The following HYCC1 variants were observed in gnomAD, a reference collection of about 807,000 sequenced individuals.
HYCC1 encodes the protein hyccin PI4KA lipid kinase complex subunit 1.
chr7:23,014,052 G>T, the HYCC1 span: 4 of 470,818 alleles, frequency 8.5e-6, no homozygotes, highest in Admixed American at 2.4e-5. Flanking sequence ...AGCAGAACGG[G>T]TCCCGGTGAG....
At chr7:22,978,751 G>A in the HYCC1 span, among the ~76,000 whole-genome samples, 1 of 152,070 alleles carries the variant, frequency 6.6e-6, no homozygotes, top group African/African-American at 2.4e-5. Context: ...TGGTACATAG[G>A]GGGGCTAAAT....
the HYCC1 span, among the ~76,000 whole-genome samples, chr7:22,903,696 T>C: frequency 4.6e-5 from 7 of 152,230 alleles, no homozygotes; most frequent in Non-Finnish European, 1.0e-4. Context: ...GGAAACACTG[T>C]CTACTCATGT....
the HYCC1 span, among the ~76,000 whole-genome samples, chr7:22,923,584 A>G: frequency 6.6e-6 from 1 of 152,146 alleles, no homozygotes; most frequent in African/African-American, 2.4e-5. Context: ...AAATAGAAAA[A>G]TGAGAGAAAA....
the HYCC1 span, chr7:22,946,003 TGAC>T: frequency 6.2e-7 from 1 of 1,613,666 alleles, no homozygotes; most frequent in African/African-American, 1.3e-5. Flanking sequence ...TGCTTCCTCC[TGAC>T]CGTCTGTGGT....
chr7:23,009,709 A>T, the HYCC1 span, among the ~76,000 whole-genome samples: 1 of 152,138 alleles, frequency 6.6e-6, no homozygotes, highest in Non-Finnish European at 1.5e-5. Context: ...CAAGATAGAA[A>T]ATGTGAGCCT....
chr7:23,002,155 T>A, the HYCC1 span, among the ~76,000 whole-genome samples: 18 of 26,384 alleles, frequency 6.8e-4, 1 homozygote, highest in South Asian at 6.1e-3. Context: ...TATATATATA[T>A]ATATATATAT....
chr7:22,961,362 T>A, the HYCC1 span: 18 of 1,129,890 alleles, frequency 1.6e-5, no homozygotes, highest in Middle Eastern at 2.8e-4. Flanking sequence ...ATTATAATTA[T>A]TTATAACTGA....
chr7:22,924,326 A>G, the HYCC1 span, among the ~76,000 whole-genome samples: 1 of 152,210 alleles, frequency 6.6e-6, no homozygotes, highest in South Asian at 2.1e-4. Context: ...GGAGTGCCGG[A>G]CAGTGGGTGC....
the HYCC1 span, among the ~76,000 whole-genome samples, chr7:22,987,152 G>C: frequency 6.6e-6 from 1 of 152,150 alleles, no homozygotes; most frequent in Non-Finnish European, 1.5e-5. Flanking sequence ...AACACAATCT[G>C]AAAGATAATA....
At chr7:22,924,943 G>C in the HYCC1 span, among the ~76,000 whole-genome samples, 1 of 152,224 alleles carries the variant, frequency 6.6e-6, no homozygotes, top group African/African-American at 2.4e-5. Flanking sequence ...AGTAGGCGGG[G>C]ACTGACACCT....
chr7:22,960,208 G>T, the HYCC1 span: 1 of 1,569,366 alleles, frequency 6.4e-7, no homozygotes, highest in Non-Finnish European at 8.8e-7. Flanking sequence ...AGTGAAAAAT[G>T]TAAAAGAATC....
chr7:23,000,026 AAAT>A, the HYCC1 span, among the ~76,000 whole-genome samples: 1 of 152,134 alleles, frequency 6.6e-6, no homozygotes, highest in African/African-American at 2.4e-5. Flanking sequence ...CCAAGAAAGA[AAAT>A]AAAACATACA....
the HYCC1 span, among the ~76,000 whole-genome samples, chr7:22,931,330 G>T: frequency 6.6e-6 from 1 of 151,396 alleles, no homozygotes; most frequent in South Asian, 2.1e-4. Flanking sequence ...GGGAGCATAG[G>T]CCTTGAATTC....
At chr7:22,920,686 G>T in the HYCC1 span, among the ~76,000 whole-genome samples, 1 of 152,136 alleles carries the variant, frequency 6.6e-6, no homozygotes, top group African/African-American at 2.4e-5. Context: ...AAAACAAAAA[G>T]TATGGGTAAA....
chr7:22,984,758 T>C, the HYCC1 span, among the ~76,000 whole-genome samples: 1 of 152,168 alleles, frequency 6.6e-6, no homozygotes, highest in African/African-American at 2.4e-5. Context: ...CGGTTGAGCA[T>C]GAGAAGGCTG....
chr7:23,010,968 GT>G, the HYCC1 span, among the ~76,000 whole-genome samples: 1 of 152,106 alleles, frequency 6.6e-6, no homozygotes, highest in African/African-American at 2.4e-5. Flanking sequence ...CCACCACTCA[GT>G]TAAAACTGTT....
chr7:22,924,591 C>T, the HYCC1 span, among the ~76,000 whole-genome samples: 1 of 152,250 alleles, frequency 6.6e-6, no homozygotes, highest in Non-Finnish European at 1.5e-5. Context: ...ATTGCTAGCA[C>T]AGCAGTCTGA....
At chr7:23,013,913 G>T in the HYCC1 span, 2 of 468,482 alleles carry the variant, frequency 4.3e-6, no homozygotes, top group Non-Finnish European at 4.4e-6. Flanking sequence ...TGGGTCTCTC[G>T]GCTGGACTCA....
At chr7:22,951,873 T>C in the HYCC1 span, among the ~76,000 whole-genome samples, 2 of 151,854 alleles carry the variant, frequency 1.3e-5, no homozygotes, top group Non-Finnish European at 2.9e-5. Context: ...AGTACAACCA[T>C]GAAAACATAC....
Sources: allele counts gnomAD v4.1 joint callset (sites outside exome capture counted in the v4.1 genomes callset), GRCh38; gene constraint gnomAD v4.1.1; transcripts MANE v1.5; gene names NCBI Gene and HGNC (gene_info 2026-07-23, HGNC 2026-07-21).